Variants in NLGN4X observed in about 807,000 individuals in gnomAD.
The protein encoded by NLGN4X is neuroligin-4, X-linked.
Under a neutral mutation model 40.3 loss-of-function variants are expected in NLGN4X, and 3 were observed. The observed-to-expected ratio is 0.07, with a 90% CI of 0.03 to 0.19. The LOEUF is 0.19. Among genes scored for constraint, NLGN4X ranks in the 10% least tolerant of loss-of-function variants. The pLI, the probability that NLGN4X is intolerant of heterozygous loss-of-function variation, is 1.00. For missense variants in NLGN4X, 382 were observed against 708.3 expected (o/e 0.54, Z 5.23); for synonymous variants, 270 against 306.8 (o/e 0.88, Z 1.25).
At chrX:6,020,082 T>C (rs1279937629) in intron 3 of NLGN4X, among the ~76,000 whole-genome samples, 1 of 111,608 alleles carries the variant, frequency 9.0e-6, no homozygotes, top group Admixed American at 9.5e-5. Flanking sequence ...GCATGACAGA[T>C]GCCAGATGAT....
intron 1 of NLGN4X, among the ~76,000 whole-genome samples, chrX:6,169,872 A>G (rs1427365735): frequency 1.8e-5 from 2 of 112,038 alleles, no homozygotes; most frequent in African/African-American, 3.2e-5. Flanking sequence ...TTTTCAAGCA[A>G]TTAAAGCCTT....
chrX:5,927,360 T>C (rs1044023354), intron 3 of NLGN4X, among the ~76,000 whole-genome samples: 4 of 111,956 alleles, frequency 3.6e-5, no homozygotes, highest in Non-Finnish European at 5.6e-5. Flanking sequence ...CTGTAGCATA[T>C]CTCAGAAACG....
At chrX:5,933,695 T>A (rs553563506) in intron 3 of NLGN4X, among the ~76,000 whole-genome samples, 51 of 111,687 alleles carry the variant, frequency 4.6e-4, no homozygotes, top group Admixed American at 3.0e-3. Flanking sequence ...AAATGTACAG[T>A]TACGCTTATC....
intron 3 of NLGN4X, among the ~76,000 whole-genome samples, chrX:5,947,698 G>A (rs1051651056): frequency 1.8e-5 from 2 of 112,024 alleles, no homozygotes; most frequent in Non-Finnish European, 3.8e-5. Flanking sequence ...GATATATTAC[G>A]TGGATGTAAA....
At chrX:6,132,197 A>G (rs113553148) in intron 2 of NLGN4X, among the ~76,000 whole-genome samples, 62 of 111,382 alleles carry the variant, frequency 5.6e-4, no homozygotes, top group African/African-American at 2.0e-3. Flanking sequence ...TGGGGGCTGG[A>G]TGATTATGTT....
intron 1 of NLGN4X, among the ~76,000 whole-genome samples, chrX:6,176,560 A>C (rs1423215731): frequency 8.9e-6 from 1 of 112,204 alleles, no homozygotes; most frequent in Non-Finnish European, 1.9e-5. Flanking sequence ...CAGTGGGTCC[A>C]CATAATCACA....
intron 3 of NLGN4X, among the ~76,000 whole-genome samples, chrX:5,994,545 T>C (rs1334550060): frequency 8.9e-6 from 1 of 112,081 alleles, no homozygotes. Flanking sequence ...TATTCTGTCT[T>C]TTGCCATGAA....
intron 2 of NLGN4X, among the ~76,000 whole-genome samples, chrX:6,033,616 G>A (rs764272084): frequency 2.7e-5 from 3 of 112,152 alleles, no homozygotes; most frequent in South Asian, 3.7e-4. Context: ...TTATTGGTAC[G>A]TGAATTTGTT....
At position 5,981,692 on chromosome X, in the gene NLGN4X, T is replaced by C. The variant is rs148474699; in HGVS notation, c.625+47588A>G. Among the ~76,000 whole-genome samples the C allele has an allele frequency of 1.3e-4, 15 of 111,364 alleles. No homozygotes were observed. In the East Asian group the frequency reaches 3.9e-3, roughly 29 times the overall value. On this transcript the variant is annotated intron_variant, in intron 3 of 5. Transcript: ENST00000381095. Reference sequence around the variant, plus strand: ...TACCATTATTCTTTCCTAATGTGTCTAGATTTTAAAGGTAAATTCACTGCT... The same window carrying C: ...TACCATTATTCTTTCCTAATGTGTCCAGATTTTAAAGGTAAATTCACTGCT...
intron 1 of NLGN4X, among the ~76,000 whole-genome samples, chrX:6,222,424 T>C (rs1602451741): frequency 8.9e-6 from 1 of 111,921 alleles, no homozygotes; most frequent in East Asian, 2.8e-4. Flanking sequence ...TGACAAACCA[T>C]GATTTCTTTA....
At chrX:6,007,460 C>T (rs2036131476) in intron 3 of NLGN4X, among the ~76,000 whole-genome samples, 1 of 111,899 alleles carries the variant, frequency 8.9e-6, no homozygotes, top group African/African-American at 3.2e-5. Context: ...GAATTTGTAA[C>T]ACCCATAAAT....
Position 5,890,640 on chromosome X carries a change from A to G in NLGN4X, c.*2177T>C, listed in dbSNP as rs943467403. The G allele has an allele frequency of 6.1e-6, 2 of 325,791 alleles. No homozygotes were observed. Among genetic ancestry groups the G allele is most frequent in the African/African-American group, 5.3e-5 (2 of 37,555 alleles). 26.8% of individuals were successfully genotyped at this position (325,791 alleles called of 1,213,427 possible). On this transcript the variant is annotated 3_prime_UTR_variant, in exon 6 of 6. Transcript: ENST00000381095. ...ATACATTGCTTGCAGAAATGGCCTG[A>G]TCATAGCTCTATGAAACAATGAATT...
intron 3 of NLGN4X, among the ~76,000 whole-genome samples, chrX:5,937,047 A>G (rs1422556718): frequency 9.0e-6 from 1 of 111,212 alleles, no homozygotes; most frequent in African/African-American, 3.3e-5. Flanking sequence ...TAAATCTAAT[A>G]AACACCTCTC....
At chrX:5,926,743 T>C (rs1457579315) in intron 3 of NLGN4X, among the ~76,000 whole-genome samples, 1 of 108,220 alleles carries the variant, frequency 9.2e-6, no homozygotes, top group African/African-American at 3.4e-5. Context: ...TACACATGCA[T>C]AAGTCTCTCT....
intron 3 of NLGN4X, among the ~76,000 whole-genome samples, chrX:6,014,188 GAAA>G (rs140452629): frequency 1.1e-5 from 1 of 88,129 alleles, no homozygotes. Context: ...CTCAGAGAGA[GAAA>G]AAAAAAAAAA....
chrX:6,094,143 T>A (rs1167762491), intron 2 of NLGN4X, among the ~76,000 whole-genome samples: 1 of 111,071 alleles, frequency 9.0e-6, no homozygotes, highest in Non-Finnish European at 1.9e-5. Flanking sequence ...AGACAAATAC[T>A]GAAATACTGT....
intron 2 of NLGN4X, among the ~76,000 whole-genome samples, chrX:6,104,423 G>A (rs1602237512): frequency 8.9e-6 from 1 of 112,032 alleles, no homozygotes; most frequent in African/African-American, 3.2e-5. Context: ...ATGAGTTTCT[G>A]TGTTCATTTG....
At chrX:6,050,216 C>A (rs1199927063) in intron 2 of NLGN4X, among the ~76,000 whole-genome samples, 1 of 111,757 alleles carries the variant, frequency 8.9e-6, no homozygotes, top group Non-Finnish European at 1.9e-5. Flanking sequence ...TCACTGAATT[C>A]CTGCTGTGAA....
chrX:5,925,621 G>A (rs1221337798), intron 3 of NLGN4X, among the ~76,000 whole-genome samples: 1 of 107,386 alleles, frequency 9.3e-6, no homozygotes, highest in Non-Finnish European at 1.9e-5. Context: ...AACACCCCAT[G>A]TTCTAGAATT....
Sources: allele counts gnomAD v4.1 joint callset (sites outside exome capture counted in the v4.1 genomes callset), GRCh38; gene constraint gnomAD v4.1.1; transcripts MANE v1.5; gene names NCBI Gene and HGNC (gene_info 2026-07-23, HGNC 2026-07-21).